The following SPAST variants were observed in gnomAD, a reference collection of about 807,000 sequenced individuals.
The protein encoded by SPAST is spastic paraplegia 4 (autosomal dominant; spastin).
Under a neutral mutation model 76.6 loss-of-function variants are expected in SPAST, and 30 were observed. The observed-to-expected ratio is 0.39, with a 90% confidence interval of 0.29 to 0.53. The LOEUF is 0.53. SPAST is among the 20% of genes least tolerant of loss of function. The pLI, the probability that SPAST is intolerant of heterozygous loss-of-function variation, is 0.68. For synonymous variants in SPAST, 305 were observed against 281.0 expected (o/e 1.09, Z -0.86); for missense variants, 717 against 770.5 (o/e 0.93, Z 0.82).
chr2:32,103,321 A>G (rs1446440472), intron 4 of SPAST, among the ~76,000 whole-genome samples: 2 of 151,926 alleles, frequency 1.3e-5, no homozygotes, highest in East Asian at 1.9e-4. Flanking sequence ...TATCCCCTTT[A>G]TCATTTCTTA....
Position 32,156,487 on chromosome 2 carries a change from G to A in SPAST, c.*1991G>A, listed in dbSNP as rs1328386495. ...AAAATTTTTTTCAAGCCAGAGCTAT[G>A]CATATGTTAGGTGATGGGTAGTATC... On this transcript the variant is annotated 3_prime_UTR_variant, in exon 17 of 17. Coordinates refer to ENST00000315285, the MANE Select transcript of SPAST (RefSeq NM_014946.4). 2.6e-5 allele frequency: 4 copies of A among 152,052 alleles called. No individual in the cohort carries two copies. The highest frequency in any genetic ancestry group is 1.3e-4 in the Admixed American group (2 of 15,244). The allele number at this position is 152,052 out of a possible 1,614,324, so 9.4% of individuals were successfully genotyped here. A position where few individuals can be genotyped will look rare whatever the true frequency, so the allele number is the denominator to read the frequency against.
chr2:32,083,772 A>ATTT (rs1254717387), intron 1 of SPAST, among the ~76,000 whole-genome samples: 1 of 51,184 alleles, frequency 2.0e-5, no homozygotes, highest in African/African-American at 7.3e-5. Context: ...ATATATATAT[A>ATTT]TATATTTTTT....
intron 12 of SPAST, 61 bp downstream of exon 12, chr2:32,137,249 A>C (rs1473106883): frequency 8.3e-7 from 1 of 1,212,110 alleles, no homozygotes; most frequent in African/African-American, 1.5e-5. Flanking sequence ...TCATGTGTCC[A>C]TCTTACATAT....
In SPAST at chr2:32,155,600, AAGTTCT is replaced by A. The variant is rs1385401094; in HGVS notation, c.*1114_*1119del. 1 of 152,308 alleles carries A rather than the reference AAGTTCT, an allele frequency of 6.6e-6. No homozygotes were observed. Among genetic ancestry groups the A allele is most frequent in the Non-Finnish European group, 1.5e-5 (1 of 67,986 alleles). The allele number at this position is 152,308 out of a possible 1,614,324, so 9.4% of individuals were successfully genotyped here. A position where few individuals can be genotyped will look rare whatever the true frequency, so the allele number is the denominator to read the frequency against. On this transcript the variant is annotated 3_prime_UTR_variant, in exon 17 of 17. Transcript: ENST00000315285. ...CCTTCTGCTTGCTTTATTAACTCAA[AAGTTCT>A]AGTTCTAGTCTGTTGATCTGCCTTT...
chr2:32,150,950 A>G (rs1053213209), intron 16 of SPAST, among the ~76,000 whole-genome samples: 1 of 101,986 alleles, frequency 9.8e-6, no homozygotes, highest in Non-Finnish European at 2.0e-5. Context: ...TCTACTGTAT[A>G]CTTTTTTTTT....
intron 3 of SPAST, among the ~76,000 whole-genome samples, chr2:32,091,943 C>A (rs1677736006): frequency 1.3e-5 from 2 of 152,224 alleles, no homozygotes; most frequent in East Asian, 3.9e-4. Context: ...ATAATAATAT[C>A]TCATATTTTT....
intron 7 of SPAST, among the ~76,000 whole-genome samples, chr2:32,121,251 C>T (rs1038011781): frequency 2.6e-5 from 4 of 152,040 alleles, no homozygotes; most frequent in Admixed American, 6.5e-5. Flanking sequence ...CTCTGGGGTT[C>T]AAGCGATTCT....
At chr2:32,101,793 G>A (rs1202815265) in intron 4 of SPAST, among the ~76,000 whole-genome samples, 3 of 152,066 alleles carry the variant, frequency 2.0e-5, no homozygotes, top group Non-Finnish European at 4.4e-5. Context: ...GTAGATGTGT[G>A]GTATTATTTC....
intron 4 of SPAST, among the ~76,000 whole-genome samples, chr2:32,101,232 T>C (rs1678109674): frequency 6.6e-6 from 1 of 152,246 alleles, no homozygotes; most frequent in Non-Finnish European, 1.5e-5. Flanking sequence ...CATTTTTTCA[T>C]GTGTCTTTTG....
chr2:32,080,499 T>A (rs1677176079), intron 1 of SPAST, among the ~76,000 whole-genome samples: 1 of 152,196 alleles, frequency 6.6e-6, no homozygotes, highest in Non-Finnish European at 1.5e-5. Context: ...ACCCAAATTC[T>A]TTCTTGATTT....
chr2:32,092,428 A>G (rs950325082), intron 3 of SPAST, among the ~76,000 whole-genome samples: 7 of 152,352 alleles, frequency 4.6e-5, no homozygotes, highest in African/African-American at 1.4e-4. Context: ...ATTTTGTAAC[A>G]TCTTTCAAAA....
rs903528349 is a variant in SPAST, at chr2:32,156,912, C to T, written c.*2416C>T. 21 of 152,124 alleles carry T rather than the reference C, an allele frequency of 1.4e-4. No individual in the cohort carries two copies. Among genetic ancestry groups the T allele is most frequent in the African/African-American group, 4.6e-4 (19 of 41,426 alleles). 9.4% of individuals were successfully genotyped at this position (152,124 alleles called of 1,614,324 possible). ...GATCAAGTCTGAACTTCAGCTAGTG[C>T]TAGAGAACTATTTTCTATGACTTAA... is the stretch of plus-strand genomic sequence containing the variant. On this transcript the variant is annotated 3_prime_UTR_variant, in exon 17 of 17. Coordinates refer to ENST00000315285, the MANE Select transcript of SPAST (RefSeq NM_014946.4).
intron 2 of SPAST, among the ~76,000 whole-genome samples, chr2:32,088,233 G>A (rs567284939): frequency 6.6e-6 from 1 of 151,814 alleles, no homozygotes; most frequent in East Asian, 2.0e-4. Flanking sequence ...GGGTCTCACT[G>A]TGTTTCTGTG....
In SPAST at chr2:32,156,465, A is replaced by G. The variant is rs533154653; in HGVS notation, c.*1969A>G. ...AGTTGAGATAAATAGGGGAAAAAAAATTTTTTTCAAGCCAGAGCTATGCAT... is the reference window on the plus strand; with the variant it reads ...AGTTGAGATAAATAGGGGAAAAAAAGTTTTTTTCAAGCCAGAGCTATGCAT... On this transcript the variant is annotated 3_prime_UTR_variant, in exon 17 of 17. Coordinates refer to ENST00000315285, the MANE Select transcript of SPAST (RefSeq NM_014946.4). The G allele has an allele frequency of 6.6e-6, 1 of 152,088 alleles. No homozygotes were observed. Among genetic ancestry groups the G allele is most frequent in the African/African-American group, 2.4e-5 (1 of 41,416 alleles). 9.4% of individuals were successfully genotyped at this position (152,088 alleles called of 1,614,324 possible).
intron 2 of SPAST, among the ~76,000 whole-genome samples, chr2:32,088,276 T>A (rs1345710467): frequency 6.6e-6 from 1 of 152,150 alleles, no homozygotes; most frequent in Non-Finnish European, 1.5e-5. Flanking sequence ...CAAGTGATCC[T>A]CCTGCCTCAG....
chr2:32,113,868 T>A (rs940240996), intron 4 of SPAST, among the ~76,000 whole-genome samples: 1 of 152,032 alleles, frequency 6.6e-6, no homozygotes, highest in Non-Finnish European at 1.5e-5. Context: ...CGCCCGGCGC[T>A]TCATAACCTT....
At position 32,087,522 on chromosome 2, in the gene SPAST, A is replaced by G; in HGVS notation, c.446A>G (p.Tyr149Cys). 1 of 1,608,482 alleles carries G rather than the reference A, an allele frequency of 6.2e-7. No homozygotes were observed. The highest frequency in any genetic ancestry group is 8.5e-7 in the Non-Finnish European group (1 of 1,175,542). Residue 149 changes from tyrosine to cysteine, a missense_variant, in exon 2 of 17, where the codon TAT (tyrosine) becomes TGT (cysteine). By Grantham distance (194) the Tyr-to-Cys change is radical (BLOSUM62 -2). Around this residue, in one of 3 missense-constraint regions of SPAST, gnomAD observed 543 missense variants for 445.2 expected, o/e 1.22. Coordinates refer to ENST00000315285, the MANE Select transcript of SPAST (RefSeq NM_014946.4). Reference protein sequence around the residue: ...AGQKEQAVEWYKKGIEELEKG... With the variant: ...AGQKEQAVEWCKKGIEELEKG... ...CAGAAGGAGCAAGCTGTGGAATGGT[A>G]TAAGAAAGGTATTGAAGAACTGGAA...
intron 12 of SPAST, 50 bp downstream of exon 12, chr2:32,137,238 C>T (rs757218386): frequency 2.1e-5 from 27 of 1,285,452 alleles, no homozygotes; most frequent in Non-Finnish European, 2.8e-5. Flanking sequence ...ACAATATTTA[C>T]TCATGTGTCC....
chr2:32,100,630 G>A (rs576274531), intron 4 of SPAST, among the ~76,000 whole-genome samples: 43 of 151,950 alleles, frequency 2.8e-4, no homozygotes, highest in Non-Finnish European at 5.1e-4. Flanking sequence ...CCCACGACAG[G>A]CCCCATTGTG....
Sources: allele counts gnomAD v4.1 joint callset (sites outside exome capture counted in the v4.1 genomes callset), GRCh38; gene constraint gnomAD v4.1.1; regional missense constraint gnomAD v4.1.1; transcripts MANE v1.5; gene names NCBI Gene and HGNC (gene_info 2026-07-23, HGNC 2026-07-21).